Variants in NRP1 observed in about 807,000 individuals in gnomAD.
The protein encoded by NRP1 is neuropilin-1.
Under a neutral mutation model 106.7 loss-of-function variants are expected in NRP1, and 35 were observed. The ratio of observed to expected loss-of-function variants is 0.33; its 90% CI spans 0.25 to 0.43. The LOEUF (loss-of-function observed/expected upper bound fraction) is 0.43. Among genes scored for constraint, NRP1 ranks in the 20% least tolerant of loss-of-function variants. NRP1 has a pLI of 1.00. For missense variants in NRP1, 1,024 were observed against 1,170.4 expected (o/e 0.87, Z 1.83); for synonymous variants, 437 against 417.9 (o/e 1.05, Z -0.56).
chr10:33,216,043 G>T (rs984927957), intron 8 of NRP1, among the ~76,000 whole-genome samples: 1 of 151,798 alleles, frequency 6.6e-6, no homozygotes, highest in African/African-American at 2.4e-5. Context: ...ATGCCACATC[G>T]TTTACTCAGT....
intron 2 of NRP1, among the ~76,000 whole-genome samples, chr10:33,274,425 A>AT (rs931727870): frequency 2.6e-5 from 4 of 152,024 alleles, no homozygotes; most frequent in African/African-American, 7.2e-5. Context: ...CCTAGAGATT[A>AT]TTTTTTTTCT....
At chr10:33,294,035 G>A (rs922995472) in intron 2 of NRP1, among the ~76,000 whole-genome samples, 34 of 152,226 alleles carry the variant, frequency 2.2e-4, no homozygotes, top group Admixed American at 1.9e-3. Flanking sequence ...GCTGGTGTGT[G>A]AGCAAATGGA....
intron 4 of NRP1, 140 bp from the exon 5 acceptor site, chr10:33,256,611 G>T: frequency 2.2e-6 from 2 of 899,562 alleles, no homozygotes; most frequent in South Asian, 1.7e-5. Context: ...AAGTTAATTG[G>T]TTTGCTGTGA....
At chr10:33,278,606 CAT>C (rs745951265) in intron 2 of NRP1, among the ~76,000 whole-genome samples, 13 of 152,298 alleles carry the variant, frequency 8.5e-5, no homozygotes, top group South Asian at 8.3e-4. Flanking sequence ...CAAAATCCCA[CAT>C]AGTGTTACCC....
intron 2 of NRP1, among the ~76,000 whole-genome samples, chr10:33,292,754 G>A (rs1386595525): frequency 6.6e-6 from 1 of 152,170 alleles, no homozygotes; most frequent in Non-Finnish European, 1.5e-5. Flanking sequence ...TTGGGAGGCC[G>A]AGGTGGGTGG....
intron 6 of NRP1, among the ~76,000 whole-genome samples, chr10:33,237,019 C>T (rs933666265): frequency 6.6e-6 from 1 of 151,672 alleles, no homozygotes. Context: ...GCAATTATTA[C>T]CTCTGCTTGG....
chr10:33,214,634 G>GA (rs764787610), intron 8 of NRP1, among the ~76,000 whole-genome samples: 19 of 152,132 alleles, frequency 1.2e-4, no homozygotes, highest in Non-Finnish European at 2.8e-4. Context: ...TAAATTTTCA[G>GA]AAAATGTTGT....
At chr10:33,334,266 G>A (rs1848477639) in intron 1 of NRP1, 44 bp downstream of exon 1, 1 of 1,523,976 alleles carries the variant, frequency 6.6e-7, no homozygotes, top group Admixed American at 2.0e-5. Context: ...GGGCAGCTGG[G>A]AGCCGGGGCG....
intron 13 of NRP1, among the ~76,000 whole-genome samples, chr10:33,188,733 C>CG (rs1836192155): frequency 6.6e-6 from 1 of 151,100 alleles, no homozygotes; most frequent in East Asian, 2.0e-4. Flanking sequence ...AAAAATTAGC[C>CG]GGGCGTGGTG....
At chr10:33,206,105 C>A in intron 10 of NRP1, 2 of 458,400 alleles carry the variant, frequency 4.4e-6, no homozygotes, top group Non-Finnish European at 8.7e-6. Flanking sequence ...TGCAAGCGTG[C>A]TTTCAAAACT....
intron 2 of NRP1, among the ~76,000 whole-genome samples, chr10:33,316,665 G>A (rs73252188): frequency 0.086 from 13,067 of 152,198 alleles, 768 homozygotes; most frequent in East Asian, 0.29. Context: ...AGAGAAGTGG[G>A]GAGAAAACCA....
At chr10:33,314,576 G>A (rs548639357) in intron 2 of NRP1, among the ~76,000 whole-genome samples, 2 of 152,288 alleles carry the variant, frequency 1.3e-5, no homozygotes, top group African/African-American at 4.8e-5. Context: ...GCCTGTTGTA[G>A]GTGTCATCAT....
intron 16 of NRP1, among the ~76,000 whole-genome samples, chr10:33,181,407 A>G (rs923197203): frequency 6.6e-6 from 1 of 152,340 alleles, no homozygotes. Flanking sequence ...ACTAACAGCA[A>G]GGTGCAATAT....
chr10:33,207,820 A>C, intron 9 of NRP1, 104 bp from the exon 10 acceptor site: 1 of 1,239,332 alleles, frequency 8.1e-7, no homozygotes, highest in Non-Finnish European at 1.1e-6. Context: ...AGGCAGAGAA[A>C]TTGGCTTCAT....
intron 3 of NRP1, among the ~76,000 whole-genome samples, chr10:33,267,946 A>C (rs1843032957): frequency 6.6e-6 from 1 of 152,158 alleles, no homozygotes; most frequent in South Asian, 2.1e-4. Flanking sequence ...GTCTCTTAGA[A>C]CTGTGACCTC....
intron 6 of NRP1, among the ~76,000 whole-genome samples, chr10:33,249,029 A>G (rs12779935): frequency 0.19 from 26,417 of 135,646 alleles, 2,745 homozygotes; most frequent in East Asian, 0.54. Context: ...TCCTGGTGCT[A>G]TTTTTGTTTC....
intron 2 of NRP1, among the ~76,000 whole-genome samples, chr10:33,321,412 A>C (rs1393264869): frequency 1.3e-5 from 2 of 152,212 alleles, no homozygotes; most frequent in African/African-American, 4.8e-5. Context: ...ATTTTTTTTA[A>C]AAGATAAAAC....
At chr10:33,209,597 C>T (rs1458663576) in intron 9 of NRP1, among the ~76,000 whole-genome samples, 1 of 152,258 alleles carries the variant, frequency 6.6e-6, no homozygotes, top group Admixed American at 6.5e-5. Context: ...TTGCCTCAGC[C>T]TCCAGACTAG....
At chr10:33,206,463 G>A in intron 10 of NRP1, 1 of 375,224 alleles carries the variant, frequency 2.7e-6, no homozygotes, top group South Asian at 2.0e-5. Flanking sequence ...AAGTAGCTAT[G>A]AATTATTCAG....
Sources: gnomAD v4.1 joint callset for allele counts (sites outside exome capture counted in the v4.1 genomes callset) on GRCh38, gnomAD v4.1.1 for gene constraint, MANE v1.5 for transcripts, NCBI Gene and HGNC (gene_info 2026-07-23, HGNC 2026-07-21) for gene names.